The following FBLN5 variants were observed in gnomAD, a reference collection of about 807,000 sequenced individuals.
The protein encoded by FBLN5 is fibulin-5.
Under a neutral mutation model 61.6 loss-of-function variants are expected in FBLN5, and 24 were observed. The observed-to-expected ratio is 0.39, with a 90% CI of 0.28 to 0.55. FBLN5 has a LOEUF of 0.55. Among genes scored for constraint, FBLN5 ranks in the 20% least tolerant of loss-of-function variants. The pLI, the probability that FBLN5 is intolerant of heterozygous loss-of-function variation, is 0.65. For missense variants in FBLN5, 470 were observed against 594.1 expected, an observed-to-expected ratio of 0.79 and a Z score of 2.17; for synonymous variants, 213 against 219.8, an observed-to-expected ratio of 0.97 and a Z score of 0.27.
At chr14:91,879,871 G>A (rs1038911250) in intron 9 of FBLN5, among the ~76,000 whole-genome samples, 3 of 152,142 alleles carry the variant, frequency 2.0e-5, no homozygotes, top group East Asian at 1.9e-4. Context: ...TCATCCTTTC[G>A]TCTCCCATGC....
chr14:91,941,306 C>T (rs376917213), intron 2 of FBLN5, among the ~76,000 whole-genome samples: 4 of 152,040 alleles, frequency 2.6e-5, no homozygotes, highest in Admixed American at 6.5e-5. Flanking sequence ...AGCAAGATGA[C>T]GACATAAAGA....
chr14:91,889,459 C>G (rs1889885408), intron 6 of FBLN5, among the ~76,000 whole-genome samples: 2 of 152,236 alleles, frequency 1.3e-5, no homozygotes, highest in Non-Finnish European at 2.9e-5. Context: ...CCACTCCAAC[C>G]TGTTGGACAA....
intron 6 of FBLN5, 66 bp downstream of exon 6, chr14:91,891,155 C>T (rs1367457226): frequency 9.0e-6 from 8 of 891,818 alleles, no homozygotes; most frequent in Non-Finnish European, 1.3e-5. Flanking sequence ...CATAAGCTGC[C>T]AGGTGCTGAA....
At chr14:91,894,839 A>AG in intron 5 of FBLN5, 111 bp downstream of exon 5, 1 of 289,742 alleles carries the variant, frequency 3.5e-6, no homozygotes, top group Non-Finnish European at 6.1e-6. Context: ...CGCCCTCCCT[A>AG]GCAAAGAAAA....
At position 91,877,609 on chromosome 14, in the gene FBLN5, C is replaced by T. The variant is rs754104809; in HGVS notation, c.1063G>A (p.Val355Met). Reference protein sequence around the residue: ...PFTILYRDMDVVSGRSVPADI... With the variant: ...PFTILYRDMDMVSGRSVPADI... ...GCGGGAACGGAGCGTCCTGACACCA[C>T]GTCCATGTCCCGGTACAAGATGGTA... The change falls in exon 10 of 11, where the codon GTG (valine) becomes ATG (methionine). Residue 355 changes from valine (V) to methionine (M), a missense_variant. Transcript: ENST00000342058. The T allele has an allele frequency of 2.1e-5, 34 of 1,613,844 alleles. No homozygotes were observed. The highest frequency in any genetic ancestry group is 1.3e-4 in the South Asian group (12 of 91,082).
Position 91,870,209 on chromosome 14 carries a change from G to T in FBLN5, c.*15C>A. On this transcript the variant is annotated 3_prime_UTR_variant, in exon 11 of 11. Transcript: ENST00000342058. ...GTGCCAATGAGAGGCAGCGTCGGAG[G>T]CTCCAGCCCGAGGCTCAGAATGGGT... 1 of 1,613,150 alleles carries T rather than the reference G, an allele frequency of 6.2e-7. No homozygotes were observed. The highest frequency in any genetic ancestry group is 8.5e-7 in the Non-Finnish European group (1 of 1,179,102).
intron 3 of FBLN5, chr14:91,938,572 A>G (rs1271019881): frequency 6.6e-6 from 1 of 152,376 alleles, no homozygotes; most frequent in Non-Finnish European, 1.5e-5. Context: ...GTGCCAGCCA[A>G]CAATTTCTAG....
chr14:91,947,090 G>T lies in FBLN5; in HGVS notation c.17+123C>A. On this transcript the variant is annotated intron_variant, in intron 1 of 10. Transcript: ENST00000342058. The surrounding 1 kb of genome is among the most constrained non-coding windows in gnomAD (Gnocchi z 4.3). ...AATTAACAATATCATTGCATCACTA[G>T]CTCATGCCTTTTCCAATATCCTGAC... 1 of 1,545,094 alleles carries T rather than the reference G, an allele frequency of 6.5e-7. No homozygotes were observed. The highest frequency in any genetic ancestry group is 8.8e-7 in the Non-Finnish European group (1 of 1,132,654).
intron 4 of FBLN5, among the ~76,000 whole-genome samples, chr14:91,912,575 G>A (rs1890996116): frequency 6.6e-6 from 1 of 152,158 alleles, no homozygotes; most frequent in African/African-American, 2.4e-5. Flanking sequence ...AACCCAGGAG[G>A]CGGAGGTTGC....
chr14:91,896,209 C>T (rs964998252), intron 4 of FBLN5, among the ~76,000 whole-genome samples: 5 of 152,180 alleles, frequency 3.3e-5, no homozygotes, highest in African/African-American at 7.2e-5. Context: ...TGAAATGGAC[C>T]TCCCGATGCC....
At position 91,887,414 on chromosome 14, in the gene FBLN5, A is replaced by G. The variant is rs182661749; in HGVS notation, c.620-102T>C. The G allele has an allele frequency of 2.7e-5, 32 of 1,204,536 alleles. No homozygotes were observed. The East Asian group carries it at 7.5e-4, about 28-fold the overall frequency. The allele number at this position is 1,204,536 out of a possible 1,614,324, so 74.6% of individuals were successfully genotyped here. ...CAACGAAATCTACCACCACCAGGAG[A>G]CCAGAGTCCCAGGTACCAAGGCTCT... On this transcript the variant is annotated intron_variant, in intron 6 of 10. Coordinates refer to ENST00000342058, the MANE Select transcript of FBLN5 (RefSeq NM_006329.4).
At chr14:91,925,127 TAAATC>T (rs11277734) in intron 4 of FBLN5, among the ~76,000 whole-genome samples, 46,097 of 151,876 alleles carry the variant, frequency 0.3, 7,562 homozygotes, top group Non-Finnish European at 0.37. Context: ...GTAGAGCTCA[TAAATC>T]AACTCTGGCT....
chr14:91,926,426 A>G (rs1338640231), intron 4 of FBLN5, among the ~76,000 whole-genome samples: 1 of 152,190 alleles, frequency 6.6e-6, no homozygotes, highest in African/African-American at 2.4e-5. Flanking sequence ...ATGTGTCCAC[A>G]GAGGATGGCA....
chr14:91,902,822 AAG>A (rs1204717518), intron 4 of FBLN5, among the ~76,000 whole-genome samples: 1 of 152,178 alleles, frequency 6.6e-6, no homozygotes, highest in East Asian at 1.9e-4. Flanking sequence ...TGCAATATTT[AAG>A]AGAGTCTAAG....
chr14:91,945,904 A>C (rs1436513468), intron 1 of FBLN5, among the ~76,000 whole-genome samples: 1 of 152,184 alleles, frequency 6.6e-6, no homozygotes, highest in African/African-American at 2.4e-5. Flanking sequence ...TGAAAGAACA[A>C]TAACAAATTT....
At chr14:91,888,957 G>A (rs1889858722) in intron 6 of FBLN5, among the ~76,000 whole-genome samples, 1 of 152,230 alleles carries the variant, frequency 6.6e-6, no homozygotes, top group African/African-American at 2.4e-5. Flanking sequence ...CCTCTGAAAA[G>A]AGATGTCAGT....
At chr14:91,932,664 T>C (rs1004420004) in intron 4 of FBLN5, among the ~76,000 whole-genome samples, 2 of 152,150 alleles carry the variant, frequency 1.3e-5, no homozygotes, top group African/African-American at 2.4e-5. Flanking sequence ...TTAACCTGAA[T>C]TGGATCAAGT....
intron 4 of FBLN5, among the ~76,000 whole-genome samples, chr14:91,900,784 C>T (rs1890417986): frequency 6.6e-6 from 1 of 152,060 alleles, no homozygotes; most frequent in Admixed American, 6.6e-5. Context: ...GCCAGCCTGA[C>T]TGCCTGGCAC....
rs549410917 is a variant in FBLN5, at chr14:91,947,151, A to T, written c.17+62T>A. The T allele has an allele frequency of 1.2e-5, 19 of 1,611,068 alleles. No individual in the cohort carries two copies. In the African/African-American group the frequency reaches 2.5e-4, roughly 22 times the overall value. On this transcript the variant is annotated intron_variant, in intron 1 of 10. Transcript: ENST00000342058. This position sits in a 1 kb window ranked among gnomAD's most constrained non-coding sequence, Gnocchi z 4.3. Reference sequence around the variant, plus strand: ...TCGCAGCCATAACCATTTTCCACCCATCGGATTTTTAGCAAGGCTTCCAGA... The same window carrying T: ...TCGCAGCCATAACCATTTTCCACCCTTCGGATTTTTAGCAAGGCTTCCAGA...
Sources: gnomAD v4.1 joint callset for allele counts (sites outside exome capture counted in the v4.1 genomes callset) on GRCh38, gnomAD v4.1.1 for gene constraint, Gnocchi (gnomAD v3.1) non-coding constraint, MANE v1.5 for transcripts, NCBI Gene and HGNC (gene_info 2026-07-23, HGNC 2026-07-21) for gene names.